AGTPBP1: variants seen among roughly 807,000 people sequenced by gnomAD.
AGTPBP1 encodes the protein ATP/GTP binding carboxypeptidase 1.
AGTPBP1 carries 70 observed loss-of-function variants against 143.9 expected under a neutral mutation model. The observed-to-expected ratio is 0.49, with a 90% CI of 0.40 to 0.59. The LOEUF is 0.59. AGTPBP1 is among the 20% of genes least tolerant of loss of function. AGTPBP1 has a pLI of 0.00. For synonymous variants in AGTPBP1, 463 were observed against 500.2 expected (o/e 0.93, Z 0.99); for missense variants, 1,229 against 1,464.5 (o/e 0.84, Z 2.62).
chr9:85,701,734 C>T (rs1836676400), intron 2 of AGTPBP1, among the ~76,000 whole-genome samples: 1 of 152,210 alleles, frequency 6.6e-6, no homozygotes, highest in South Asian at 2.1e-4. Flanking sequence ...CACTATTCCA[C>T]TCTCTACTTC....
At chr9:85,573,150 C>G (rs1351515441) in intron 25 of AGTPBP1, among the ~76,000 whole-genome samples, 2 of 152,078 alleles carry the variant, frequency 1.3e-5, no homozygotes, top group African/African-American at 4.8e-5. Context: ...CCCTCTGATG[C>G]CGAGCCGAAG....
chr9:85,685,370 A>G (rs1271835640), intron 3 of AGTPBP1, among the ~76,000 whole-genome samples: 1 of 152,096 alleles, frequency 6.6e-6, no homozygotes. Context: ...GAAATCAGTT[A>G]GAAAAAAATC....
intron 11 of AGTPBP1, among the ~76,000 whole-genome samples, chr9:85,648,138 A>C (rs1342517084): frequency 6.6e-6 from 1 of 152,246 alleles, no homozygotes; most frequent in African/African-American, 2.4e-5. Context: ...TGAGCAAGTT[A>C]CATCAATTCT....
In AGTPBP1 at chr9:85,657,443, T is replaced by C. The variant is rs941408825; in HGVS notation, c.901A>G (p.Thr301Ala). 1 of 1,611,508 alleles carries C rather than the reference T, an allele frequency of 6.2e-7. No homozygotes were observed. The highest frequency in any genetic ancestry group is 2.2e-5 in the East Asian group (1 of 44,784). The change falls in exon 10 of 26, where the codon ACT becomes GCT. Residue 301 changes from threonine (T) to alanine (A), a missense_variant. By Grantham distance (58) the Thr-to-Ala change is moderately conservative. Transcript: ENST00000357081. The stretch of plus-strand genomic sequence containing the variant: ...AGAAGAAAATAACTCACTTGCGAAG[T>C]ATTATACAGAATTTTCATCCCATTG... ...DANGMKILYN[T>A]SQECLAVRTL...
rs188350680 is a variant in AGTPBP1, at chr9:85,659,239, G to A, written c.701-1596C>T. Among the ~76,000 whole-genome samples the A allele has an allele frequency of 1.7e-3, 256 of 152,210 alleles. 1 individual carries two copies. The highest frequency in any genetic ancestry group is 3.4e-3 in the Middle Eastern group (1 of 294). On this transcript the variant is annotated intron_variant, in intron 9 of 25. Transcript: ENST00000357081. ...AGGGAACTTTATTCATGTATTCAGT[G>A]TACCAAACTCACAATTAGCCTATGT...
chr9:85,713,934 G>A (rs1228243680), intron 1 of AGTPBP1, among the ~76,000 whole-genome samples: 1 of 151,838 alleles, frequency 6.6e-6, no homozygotes, highest in Non-Finnish European at 1.5e-5. Context: ...TATCCACAGG[G>A]AGAAAAAAAT....
intron 25 of AGTPBP1, among the ~76,000 whole-genome samples, chr9:85,552,767 T>A (rs929229091): frequency 5.9e-5 from 9 of 152,216 alleles, no homozygotes; most frequent in African/African-American, 2.2e-4. Context: ...AAATACTCCA[T>A]CTACCTTTGC....
the AGTPBP1 span, among the ~76,000 whole-genome samples, chr9:85,787,496 A>C: frequency 1.3e-5 from 2 of 152,172 alleles, no homozygotes; most frequent in African/African-American, 4.8e-5. Context: ...CAGGCTTTGC[A>C]CACTGGCCAA....
At chr9:85,740,417 A>G (rs1447522654) in intron 1 of AGTPBP1, among the ~76,000 whole-genome samples, 1 of 152,258 alleles carries the variant, frequency 6.6e-6, no homozygotes, top group Non-Finnish European at 1.5e-5. Flanking sequence ...GATGAGAAAC[A>G]GTGGGTAAGG....
chr9:85,603,801 A>T (rs570352754), intron 17 of AGTPBP1, among the ~76,000 whole-genome samples: 1 of 152,286 alleles, frequency 6.6e-6, no homozygotes, highest in East Asian at 1.9e-4. Flanking sequence ...CCACAAGCTG[A>T]CTGAAGAGAC....
At chr9:85,752,501 G>T in the AGTPBP1 span, among the ~76,000 whole-genome samples, 1 of 152,200 alleles carries the variant, frequency 6.6e-6, no homozygotes, top group Non-Finnish European at 1.5e-5. Context: ...TCTTATCCTT[G>T]TTACGCTAAT....
In AGTPBP1 at chr9:85,578,989, C is replaced by T. The variant is rs1201004337; in HGVS notation, c.3273G>A (p.Arg1091=). 3 of 1,612,970 alleles carry T rather than the reference C, an allele frequency of 1.9e-6. No homozygotes were observed. Among genetic ancestry groups the T allele is most frequent in the Non-Finnish European group, 2.5e-6 (3 of 1,179,640 alleles). ...KESTARVVVW[R]EIGVQRSYTM... is the part of the protein sequence containing the mutation. Reference sequence around the variant, plus strand: ...TATAACTTCTTTGTACTCCTATTTCCCTCCAAACTACAACACGTGCTGTGG... The same window carrying T: ...TATAACTTCTTTGTACTCCTATTTCTCTCCAAACTACAACACGTGCTGTGG... Residue 1091 remains arginine, a synonymous_variant, in exon 24 of 26, where the codon AGG becomes AGA. Transcript: ENST00000357081.
chr9:85,711,291 C>T (rs530748324), intron 2 of AGTPBP1, among the ~76,000 whole-genome samples: 1 of 152,152 alleles, frequency 6.6e-6, no homozygotes, highest in South Asian at 2.1e-4. Context: ...ACTGTATAGC[C>T]AAGACAATTT....
intron 24 of AGTPBP1, among the ~76,000 whole-genome samples, chr9:85,578,468 A>T (rs1329652653): frequency 2.6e-5 from 4 of 152,216 alleles, no homozygotes; most frequent in Non-Finnish European, 4.4e-5. Flanking sequence ...CAAAATATAA[A>T]CAAACACATA....
intron 13 of AGTPBP1, 56 bp from the exon 14 acceptor site, chr9:85,633,430 C>G (rs1831822051): frequency 1.5e-6 from 2 of 1,303,372 alleles, no homozygotes; most frequent in Non-Finnish European, 2.1e-6. Context: ...AACATATTAA[C>G]AAAACTAATA....
At chr9:85,683,900 C>T (rs773614873) in intron 3 of AGTPBP1, among the ~76,000 whole-genome samples, 3 of 152,022 alleles carry the variant, frequency 2.0e-5, no homozygotes, top group Non-Finnish European at 4.4e-5. Context: ...CAGTATCAGT[C>T]CCCTCCATAC....
At chr9:85,765,820 G>A in the AGTPBP1 span, among the ~76,000 whole-genome samples, 1 of 152,206 alleles carries the variant, frequency 6.6e-6, no homozygotes, top group African/African-American at 2.4e-5. Flanking sequence ...TAAGAAATAG[G>A]AGCAAGGATA....
At position 85,550,078 on chromosome 9, in the gene AGTPBP1, G is replaced by A. The variant is rs7034771; in HGVS notation, c.3504-2792C>T. Reference sequence around the variant, plus strand: ...AGCACACATCGAGCTATTGTGATGGGCCCACCAGTGCTAGCTCGGGCACAT... The same window carrying A: ...AGCACACATCGAGCTATTGTGATGGACCCACCAGTGCTAGCTCGGGCACAT... On this transcript the variant is annotated intron_variant, in intron 25 of 25. Transcript: ENST00000357081. Among the ~76,000 whole-genome samples, 1,443 of 152,244 alleles carry A rather than the reference G, an allele frequency of 9.5e-3. 24 individuals are homozygous for A. Among genetic ancestry groups the A allele is most frequent in the African/African-American group, 0.033 (1,375 of 41,512 alleles).
intron 23 of AGTPBP1, among the ~76,000 whole-genome samples, chr9:85,583,948 T>C (rs1262707453): frequency 6.6e-6 from 1 of 151,972 alleles, no homozygotes; most frequent in Non-Finnish European, 1.5e-5. Flanking sequence ...ATGTATGATC[T>C]GATTTCGTTT....
Sources: allele counts gnomAD v4.1 joint callset (sites outside exome capture counted in the v4.1 genomes callset), GRCh38; gene constraint gnomAD v4.1.1; transcripts MANE v1.5; gene names NCBI Gene and HGNC (gene_info 2026-07-23, HGNC 2026-07-21).